Variants in TSEN15 observed in about 807,000 individuals in gnomAD.
TSEN15 encodes tRNA splicing endonuclease subunit 15.
A neutral mutation model predicts 20.5 loss-of-function variants in TSEN15; 10 were observed. The ratio of observed to expected loss-of-function variants is 0.49; its 90% CI spans 0.30 to 0.83. The LOEUF (loss-of-function observed/expected upper bound fraction) is 0.83. TSEN15 is among the 40% of genes least tolerant of loss of function. The pLI is 0.06. For synonymous variants in TSEN15, 72 were observed against 80.1 expected (o/e 0.90, Z 0.54); for missense variants, 180 against 218.6 (o/e 0.82, Z 1.11).
At chr1:184,061,148 A>C (rs1650442101) in intron 3 of TSEN15, among the ~76,000 whole-genome samples, 1 of 152,174 alleles carries the variant, frequency 6.6e-6, no homozygotes, top group Non-Finnish European at 1.5e-5. Flanking sequence ...GGTGAGACTG[A>C]TAATATTATC....
intron 3 of TSEN15, among the ~76,000 whole-genome samples, chr1:184,068,727 C>T (rs1436195539): frequency 6.6e-6 from 1 of 152,152 alleles, no homozygotes; most frequent in Non-Finnish European, 1.5e-5. Context: ...TCTTTGGTGC[C>T]TCTGACACCA....
chr1:184,081,869 T>C (rs1034485135), intron 3 of TSEN15, among the ~76,000 whole-genome samples: 10 of 152,122 alleles, frequency 6.6e-5, no homozygotes, highest in Non-Finnish European at 1.3e-4. Context: ...CTAGGGTCAT[T>C]GGGGACTTTA....
At chr1:184,054,960 AG>A in intron 3 of TSEN15, 97 bp downstream of exon 3, 1 of 1,385,024 alleles carries the variant, frequency 7.2e-7, no homozygotes, top group Non-Finnish European at 9.7e-7. Context: ...TTTGGGATAC[AG>A]GGTTCATAGC....
At chr1:184,077,282 A>G (rs1298929056), downstream of TSEN15, among the ~76,000 whole-genome samples, 2 of 152,138 alleles carry the variant, frequency 1.3e-5, no homozygotes, top group Admixed American at 6.6e-5. Context: ...AAGTGGAACA[A>G]TGATGCCTGG....
intron 3 of TSEN15, among the ~76,000 whole-genome samples, chr1:184,092,216 A>C (rs941949613): frequency 2.6e-5 from 4 of 152,258 alleles, no homozygotes; most frequent in African/African-American, 9.6e-5. Flanking sequence ...CAGTCTAGAC[A>C]GAGTCCAGAA....
intron 1 of TSEN15, among the ~76,000 whole-genome samples, chr1:184,052,295 C>T (rs1404241867): frequency 6.6e-6 from 1 of 152,186 alleles, no homozygotes; most frequent in Non-Finnish European, 1.5e-5. Context: ...AAGATTTAAG[C>T]ACAGTCACGT....
chr1:184,056,244 T>C (rs1411946018), intron 3 of TSEN15, among the ~76,000 whole-genome samples: 1 of 152,190 alleles, frequency 6.6e-6, no homozygotes, highest in African/African-American at 2.4e-5. Flanking sequence ...GTCTCTCACA[T>C]TTAGTATTGT....
chr1:184,053,071 A>G (rs1167823023), intron 1 of TSEN15, among the ~76,000 whole-genome samples: 1 of 152,212 alleles, frequency 6.6e-6, no homozygotes, highest in Admixed American at 6.5e-5. Flanking sequence ...CACCAGTAAC[A>G]ACTTTTTAAG....
chr1:184,054,711 C>G lies in TSEN15; in HGVS notation c.218-17C>G. 1 of 1,609,182 alleles carries G rather than the reference C, an allele frequency of 6.2e-7. No homozygotes were observed. The highest frequency in any genetic ancestry group is 2.2e-5 in the East Asian group (1 of 44,862). ...TATTTAATAAACATTATTGTCCATT[C>G]AATGATGCTCTTTCAGGCAAAAGCT... On this transcript the variant is annotated splice_polypyrimidine_tract_variant and intron_variant, in intron 2 of 4. Coordinates refer to ENST00000645668, the MANE Select transcript of TSEN15 (RefSeq NM_052965.4).
intron 3 of TSEN15, among the ~76,000 whole-genome samples, chr1:184,063,799 C>T (rs1572708436): frequency 6.6e-6 from 1 of 151,804 alleles, no homozygotes; most frequent in Non-Finnish European, 1.5e-5. Context: ...TTTGTGTTTT[C>T]ATGGGGAGAA....
chr1:184,090,340 C>T (rs888151994), intron 3 of TSEN15, among the ~76,000 whole-genome samples: 1 of 152,034 alleles, frequency 6.6e-6, no homozygotes, highest in Non-Finnish European at 1.5e-5. Context: ...CACAAAAGGG[C>T]ATGAAGGAAT....
intron 1 of TSEN15, among the ~76,000 whole-genome samples, chr1:184,053,925 C>T (rs11582961): frequency 0.11 from 16,581 of 152,188 alleles, 1,064 homozygotes; most frequent in Admixed American, 0.2. Context: ...TTTACAGGCC[C>T]TTGAATGTAT....
At chr1:184,067,344 T>G (rs905110433) in intron 3 of TSEN15, among the ~76,000 whole-genome samples, 3 of 152,192 alleles carry the variant, frequency 2.0e-5, no homozygotes, top group African/African-American at 7.2e-5. Flanking sequence ...TTAATGCTAC[T>G]CAACATATTT....
intron 4 of TSEN15, chr1:184,072,546 A>C: frequency 1.8e-6 from 1 of 550,462 alleles, no homozygotes; most frequent in Admixed American, 3.8e-5. Context: ...GGTTTTCCAA[A>C]GTATTTTATG....
chr1:184,067,326 T>C (rs1269548771), intron 3 of TSEN15, among the ~76,000 whole-genome samples: 1 of 152,182 alleles, frequency 6.6e-6, no homozygotes, highest in East Asian at 1.9e-4. Context: ...TTTAAAACAC[T>C]TGATATATTA....
At chr1:184,057,920 A>G (rs1034461728) in intron 3 of TSEN15, among the ~76,000 whole-genome samples, 1 of 152,106 alleles carries the variant, frequency 6.6e-6, no homozygotes, top group Non-Finnish European at 1.5e-5. Flanking sequence ...CCTATATCCA[A>G]GAGTCTTAAT....
intron 4 of TSEN15, chr1:184,072,501 A>G: frequency 1.8e-6 from 1 of 568,660 alleles, no homozygotes; most frequent in East Asian, 3.1e-5. Context: ...TTTGCAAAAA[A>G]AAAATTGATT....
chr1:184,054,931 T>C, intron 3 of TSEN15, 68 bp downstream of exon 3: 2 of 1,501,116 alleles, frequency 1.3e-6, no homozygotes, highest in Admixed American at 2.2e-5. Flanking sequence ...AACATAGTGA[T>C]GTAATACTTT....
intron 1 of TSEN15, among the ~76,000 whole-genome samples, chr1:184,052,159 A>G (rs1199224359): frequency 6.6e-6 from 1 of 152,210 alleles, no homozygotes; most frequent in East Asian, 1.9e-4. Flanking sequence ...GAGATCCCTA[A>G]TAAGCGCTCC....
Sources: gnomAD v4.1 joint callset for allele counts (sites outside exome capture counted in the v4.1 genomes callset) on GRCh38, gnomAD v4.1.1 for gene constraint, MANE v1.5 for transcripts, NCBI Gene and HGNC (gene_info 2026-07-23, HGNC 2026-07-21) for gene names.